Variants in CHD4 observed in about 807,000 individuals in gnomAD.
The protein encoded by CHD4 is ATP-dependent chromatin remodeler CHD4.
Under a neutral mutation model 235.5 loss-of-function variants are expected in CHD4, and 35 were observed. The observed-to-expected ratio is 0.15, with a 90% confidence interval of 0.11 to 0.20. The LOEUF is 0.20. Among genes scored for constraint, CHD4 ranks in the 10% least tolerant of loss-of-function variants. CHD4 has a pLI of 1.00. For missense variants in CHD4, 1,329 were observed against 2,432.3 expected (o/e 0.55, Z 9.54); for synonymous variants, 900 against 850.2 (o/e 1.06, Z -1.02).
At chr12:6,582,436 C>A (rs1948211708) in intron 29 of CHD4, among the ~76,000 whole-genome samples, 155 bp from the exon 30 acceptor site, 2 of 152,164 alleles carry the variant, frequency 1.3e-5, no homozygotes, top group African/African-American at 4.8e-5. Context: ...CTAGACCCCA[C>A]AAGAAGACCC....
At chr12:6,601,889 G>C in intron 4 of CHD4, 71 bp downstream of exon 4, 2 of 1,561,066 alleles carry the variant, frequency 1.3e-6, no homozygotes, top group Non-Finnish European at 1.8e-6. Context: ...GTTCTAAAGG[G>C]CAGTAAGGTG....
intron 2 of CHD4, among the ~76,000 whole-genome samples, chr12:6,602,724 G>A (rs1948619405): frequency 6.6e-6 from 1 of 152,078 alleles, no homozygotes; most frequent in Non-Finnish European, 1.5e-5. Flanking sequence ...GGCCCACCTC[G>A]GGCAGCTGTC....
intron 25 of CHD4, among the ~76,000 whole-genome samples, chr12:6,585,308 G>A (rs962196543): frequency 7.9e-5 from 12 of 151,864 alleles, no homozygotes; most frequent in East Asian, 2.0e-4. Flanking sequence ...TTTTTGAGAC[G>A]GAGTCTGGCT....
intron 37 of CHD4, among the ~76,000 whole-genome samples, chr12:6,575,847 A>G (rs548650485): frequency 9.2e-5 from 14 of 152,278 alleles, no homozygotes; most frequent in African/African-American, 3.4e-4. Flanking sequence ...GTTTCCCTAC[A>G]GCTCAACTGG....
At chr12:6,571,805 C>G (rs1359170817) in intron 38 of CHD4, 1 of 151,874 alleles carries the variant, frequency 6.6e-6, no homozygotes. Flanking sequence ...ACTAAAAATA[C>G]AAAAAATTAG....
chr12:6,575,406 C>T (rs1222599677), intron 37 of CHD4, among the ~76,000 whole-genome samples: 2 of 148,622 alleles, frequency 1.3e-5, no homozygotes, highest in African/African-American at 2.5e-5. Context: ...CAGGAAATGT[C>T]GCCACTGCAC....
chr12:6,570,818 T>C (rs544676650), intron 39 of CHD4, 51 bp downstream of exon 39: 29 of 1,612,902 alleles, frequency 1.8e-5, no homozygotes, highest in Non-Finnish European at 2.4e-5. Context: ...AGTTACAAGC[T>C]CCAGAATGGT....
At position 6,581,025 on chromosome 12, in the gene CHD4, A is replaced by T. The variant is rs1051857677; in HGVS notation, c.4909+19T>A. The T allele has an allele frequency of 5.0e-6, 8 of 1,612,198 alleles. No homozygotes were observed. The highest frequency in any genetic ancestry group is 6.8e-6 in the Non-Finnish European group (8 of 1,179,508). ...TCTCAAAACAAACAAACAAACAAAA[A>T]AAATGTGGATACCTTTACCTTTGGG... On this transcript the variant is annotated intron_variant, in intron 33 of 39. Coordinates refer to ENST00000544040, the MANE Select transcript of CHD4 (RefSeq NM_001273.5).
chr12:6,595,080 C>T (rs1003237212), intron 14 of CHD4, among the ~76,000 whole-genome samples: 6 of 152,064 alleles, frequency 3.9e-5, no homozygotes, highest in African/African-American at 1.4e-4. Context: ...CTATGTGGCC[C>T]CTCCCCCCAG....
intron 2 of CHD4, among the ~76,000 whole-genome samples, chr12:6,604,255 CAG>C (rs1948650965): frequency 6.6e-6 from 1 of 152,146 alleles, no homozygotes; most frequent in African/African-American, 2.4e-5. Flanking sequence ...ACCTTGGCGA[CAG>C]AGTGAGACCC....
rs373676246 is a variant in CHD4, at chr12:6,600,388, C to T, written c.1071G>A (p.Glu357=). The part of the protein sequence containing the change: ...RTTKKKKKGE[E]EVTAVDGYET... ...CATAACCATCCACAGCAGTCACCTC[C>T]TCCTCGCCTGGGCAAGGAAGAGGGA... The change falls in exon 9 of 40, where the codon GAG becomes GAA. Residue 357 remains glutamate (E), a synonymous_variant. Transcript: ENST00000544040. 16 of 1,614,070 alleles carry T rather than the reference C, an allele frequency of 9.9e-6. No individual in the cohort carries two copies. The East Asian group carries it at 2.7e-4, about 27-fold the overall frequency.
intron 12 of CHD4, 92 bp from the exon 13 acceptor site, chr12:6,596,229 A>G: frequency 6.6e-7 from 1 of 1,516,034 alleles, no homozygotes; most frequent in Non-Finnish European, 9.0e-7. Flanking sequence ...GTTTCACACC[A>G]GACCTCTAGG....
Position 6,591,906 on chromosome 12 carries a change from C to T in CHD4, c.3090+10G>A. 1 of 1,614,208 alleles carries T rather than the reference C, an allele frequency of 6.2e-7. No homozygotes were observed. Among genetic ancestry groups the T allele is most frequent in the Admixed American group, 1.7e-5 (1 of 60,036 alleles). On this transcript the variant is annotated intron_variant, in intron 20 of 39. Transcript: ENST00000544040. The stretch of plus-strand genomic sequence containing the variant: ...CAACCCAGGGAGGAACAGGAGATGG[C>T]ACTACATACCATTGCAGCCACAGGG...
chr12:6,586,035 G>C (rs1203436085), intron 25 of CHD4, among the ~76,000 whole-genome samples: 2 of 151,968 alleles, frequency 1.3e-5, no homozygotes, highest in Non-Finnish European at 2.9e-5. Flanking sequence ...AGGAAGTGGA[G>C]GTTGCAGTAG....
At chr12:6,582,400 C>T in intron 29 of CHD4, 119 bp from the exon 30 acceptor site, 2 of 1,346,606 alleles carry the variant, frequency 1.5e-6, no homozygotes, top group Non-Finnish European at 2.0e-6. Flanking sequence ...GAGGTAAAGC[C>T]CACCACTGCA....
intron 7 of CHD4, 67 bp from the exon 8 acceptor site, chr12:6,600,736 G>C: frequency 1.3e-6 from 2 of 1,577,174 alleles, no homozygotes; most frequent in South Asian, 2.3e-5. Flanking sequence ...GGCAGAGAGG[G>C]GAGTACTCTC....
At position 6,582,222 on chromosome 12, in the gene CHD4, G is replaced by C. The variant is rs780227031; in HGVS notation, c.4430C>G (p.Thr1477Ser). ...TTCTCGGGGGACACCATCAGCAAAG[G>C]TCTCAGCCCCATCTGCCCCCGGCTC... ...LCEPGADGAE[T>S]FADGVPREGL... The change falls in exon 30 of 40, where the codon ACC becomes AGC. Residue 1477 changes from threonine (T) to serine (S), a missense_variant. Coordinates refer to ENST00000544040, the MANE Select transcript of CHD4 (RefSeq NM_001273.5). The C allele has an allele frequency of 5.6e-6, 9 of 1,604,716 alleles. No individual in the cohort carries two copies. Among genetic ancestry groups the C allele is most frequent in the African/African-American group, 1.4e-5 (1 of 74,044 alleles).
Position 6,602,507 on chromosome 12 carries a change from T to C in CHD4, c.101-10A>G. Reference sequence around the variant, plus strand: ...GGGTCCTCTTCATTTTCTACATATATTTGGCAAAGAGTGGTAGGCAGGGAA... The same window carrying C: ...GGGTCCTCTTCATTTTCTACATATACTTGGCAAAGAGTGGTAGGCAGGGAA... On this transcript the variant is annotated splice_polypyrimidine_tract_variant and intron_variant, in intron 2 of 39. Coordinates refer to ENST00000544040, the MANE Select transcript of CHD4 (RefSeq NM_001273.5). The C allele has an allele frequency of 6.2e-7, 1 of 1,610,760 alleles. No homozygotes were observed. Among genetic ancestry groups the C allele is most frequent in the Non-Finnish European group, 8.5e-7 (1 of 1,179,274 alleles).
Position 6,593,668 on chromosome 12 carries a change from C to A in CHD4, c.2314-52G>T, listed in dbSNP as rs764414531. The A allele has an allele frequency of 1.9e-6, 3 of 1,542,284 alleles. No homozygotes were observed. Among genetic ancestry groups the A allele is most frequent in the East Asian group, 4.5e-5 (2 of 44,432 alleles). On this transcript the variant is annotated intron_variant, in intron 15 of 39. Transcript: ENST00000544040. The surrounding 1 kb of genome is among the most constrained non-coding windows in gnomAD (Gnocchi z 4.9). ...ACTGAGGGCCCCAGCACACTGCAAC[C>A]CCAGCGAACACCCACCACCCTGCTG...
Sources: allele counts gnomAD v4.1 joint callset (sites outside exome capture counted in the v4.1 genomes callset), GRCh38; gene constraint gnomAD v4.1.1; non-coding constraint Gnocchi (gnomAD v3.1); transcripts MANE v1.5; gene names NCBI Gene and HGNC (gene_info 2026-07-23, HGNC 2026-07-21).